WDR27: variants seen among roughly 807,000 people sequenced by gnomAD.
WDR27 encodes WD repeat-containing protein 27.
A neutral mutation model predicts 114.4 loss-of-function variants in WDR27; 100 were observed. The observed-to-expected ratio is 0.87, with a 90% CI of 0.74 to 1.03. The LOEUF is 1.03. WDR27 is among the 50% of genes least tolerant of loss of function. The probability of loss-of-function intolerance (pLI) is 0.00; values close to 1 mark genes in which losing one functional copy is unlikely to be tolerated. For missense variants in WDR27, 1,129 were observed against 1,092.9 expected (o/e 1.03, Z -0.47); for synonymous variants, 449 against 423.1 (o/e 1.06, Z -0.75).
chr6:169,499,576 C>G (rs1045377211), intron 25 of WDR27, among the ~76,000 whole-genome samples: 3 of 152,312 alleles, frequency 2.0e-5, no homozygotes, highest in Non-Finnish European at 2.9e-5. Flanking sequence ...TGATGCCTCC[C>G]CACCTAAGAC....
At chr6:169,681,078 A>G (rs1781401467) in intron 2 of WDR27, among the ~76,000 whole-genome samples, 1 of 152,234 alleles carries the variant, frequency 6.6e-6, no homozygotes, top group African/African-American at 2.4e-5. Context: ...CAAAAGACAC[A>G]AACACAATTA....
In WDR27 at chr6:169,670,607, C is replaced by A; in HGVS notation, c.418G>T (p.Val140Leu). 6.2e-7 allele frequency: 1 copy of A among 1,613,988 alleles called. No individual in the cohort carries two copies. Among genetic ancestry groups the A allele is most frequent in the Non-Finnish European group, 8.5e-7 (1 of 1,179,878 alleles). ...ATGAATATTTTGTTTCCAGCACACA[C>A]GGCAACAACATGATCATCCAGGCTC... ...QLSLDDHVVA[V>L]CAGNKIFMLD... Residue 140 changes from valine to leucine, a missense_variant, in exon 4 of 26, where the codon GTG (valine) becomes TTG (leucine). Physicochemically the swap from Val to Leu is conservative, Grantham distance 32. Transcript: ENST00000448612.
chr6:169,436,414 CTA>C, the WDR27 span, among the ~76,000 whole-genome samples: 3 of 151,944 alleles, frequency 2.0e-5, no homozygotes, highest in Non-Finnish European at 4.4e-5. Context: ...ACAAATAAGA[CTA>C]GTTTAATATT....
intron 25 of WDR27, among the ~76,000 whole-genome samples, chr6:169,571,506 TC>T (rs1232257323): frequency 6.6e-6 from 1 of 152,178 alleles, no homozygotes; most frequent in Admixed American, 6.5e-5. Flanking sequence ...ACATTTACGT[TC>T]CACATTCAAC....
chr6:169,664,396 T>TC, intron 7 of WDR27, 110 bp from the exon 8 acceptor site: 1 of 1,578,230 alleles, frequency 6.3e-7, no homozygotes, highest in South Asian at 1.2e-5. Flanking sequence ...GGACGGGCCC[T>TC]CCACGGCCTG....
At position 169,642,537 on chromosome 6, in the gene WDR27, G is replaced by A. The variant is rs538714117; in HGVS notation, c.1747+1160C>T. On this transcript the variant is annotated intron_variant, in intron 17 of 25. Transcript: ENST00000448612. ...GCAGGATAGATATGAGGTGGGACCA[G>A]GAGCAAGGCGCTCGAAGGGCAAGGG... 1.6e-3 allele frequency among the ~76,000 whole-genome samples: 240 copies of A among 152,270 alleles called. 1 individual carries two copies. Among genetic ancestry groups the A allele is most frequent in the African/African-American group, 5.5e-3 (229 of 41,550 alleles).
At chr6:169,685,269 A>G (rs892598857) in intron 2 of WDR27, among the ~76,000 whole-genome samples, 5 of 103,092 alleles carry the variant, frequency 4.9e-5, no homozygotes, top group Non-Finnish European at 7.5e-5. Context: ...AAAATCAAAG[A>G]AAAAAAAAAG....
At chr6:169,694,701 C>T (rs572741972) in intron 1 of WDR27, among the ~76,000 whole-genome samples, 13 of 152,358 alleles carry the variant, frequency 8.5e-5, no homozygotes, top group East Asian at 3.9e-4. Flanking sequence ...GCAGCTTCAC[C>T]GACACCGTCA....
chr6:169,549,106 G>C (rs1797792185), intron 25 of WDR27, among the ~76,000 whole-genome samples: 1 of 152,204 alleles, frequency 6.6e-6, no homozygotes, highest in Non-Finnish European at 1.5e-5. Context: ...TCAAGTGAAT[G>C]AGAAGATAAG....
Position 169,457,389 on chromosome 6 carries a change from T to G in WDR27, c.*203A>C. On this transcript the variant is annotated 3_prime_UTR_variant, in exon 26 of 26. Transcript: ENST00000448612. ...CATTTTCCCAATGAAGGGGATCCCT[T>G]TTGAGGAGCAGAAAGACATAAAACT... is the stretch of plus-strand genomic sequence containing the variant. 2.2e-6 allele frequency: 1 copy of G among 455,936 alleles called. No individual in the cohort carries two copies. Among genetic ancestry groups the G allele is most frequent in the East Asian group, 3.5e-5 (1 of 28,722 alleles). 28.2% of individuals were successfully genotyped at this position (455,936 alleles called of 1,614,324 possible). A position where few individuals can be genotyped will look rare whatever the true frequency, so the allele number is the denominator to read the frequency against.
rs544493742 is a variant in WDR27 at position 169,457,759 on chromosome 6, T to C, written c.2646-125A>G. 17 of 647,582 alleles carry C rather than the reference T, an allele frequency of 2.6e-5. No individual in the cohort carries two copies. The African/African-American group carries it at 2.9e-4, about 11-fold the overall frequency. 40.1% of individuals were successfully genotyped at this position (647,582 alleles called of 1,614,324 possible). A position where few individuals can be genotyped will look rare whatever the true frequency, so the allele number is the denominator to read the frequency against. ...TAATGTTCTGGAACATCGAGTAAAATACATTAACATAGTAGAATCTATATA... is the reference window on the plus strand; with the variant it reads ...TAATGTTCTGGAACATCGAGTAAAACACATTAACATAGTAGAATCTATATA... On this transcript the variant is annotated intron_variant, in intron 25 of 25. Transcript: ENST00000448612.
chr6:169,512,734 G>A (rs1304667860), intron 25 of WDR27, among the ~76,000 whole-genome samples: 2 of 152,162 alleles, frequency 1.3e-5, no homozygotes, highest in African/African-American at 2.4e-5. Flanking sequence ...GATAGTAGAG[G>A]TAATGGCTTG....
intron 23 of WDR27, among the ~76,000 whole-genome samples, chr6:169,593,071 T>C (rs1466934280): frequency 6.6e-6 from 1 of 152,252 alleles, no homozygotes; most frequent in East Asian, 1.9e-4. Context: ...AGCTTTTCAA[T>C]TGATATTCAT....
intron 25 of WDR27, among the ~76,000 whole-genome samples, chr6:169,514,244 GAACA>G (rs905987721): frequency 4.0e-5 from 6 of 151,156 alleles, no homozygotes; most frequent in South Asian, 2.1e-4. Flanking sequence ...TCAAATAATA[GAACA>G]AATAGCTATA....
At position 169,658,340 on chromosome 6, in the gene WDR27, G is replaced by A. The variant is rs1362840841; in HGVS notation, c.1338C>T (p.Thr446=). 2 of 1,599,646 alleles carry A rather than the reference G, an allele frequency of 1.3e-6. No homozygotes were observed. Among genetic ancestry groups the A allele is most frequent in the Admixed American group, 1.7e-5 (1 of 58,078 alleles). Residue 446 remains threonine, a synonymous_variant, in exon 13 of 26, where the codon ACC becomes ACT. Coordinates refer to ENST00000448612, the MANE Select transcript of WDR27 (RefSeq NM_182552.5). ...SVPASSCVLP[T]SPLYLGIAKE... is the part of the protein sequence containing the mutation. ...TGGCAATTCCCAGATACAGTGGAGA[G>A]GTCGGTAGGACACAGGAGCTGAAAC...
At chr6:169,652,652 G>A (rs13207531) in intron 13 of WDR27, among the ~76,000 whole-genome samples, 6,215 of 152,204 alleles carry the variant, frequency 0.041, 184 homozygotes, top group South Asian at 0.067. Flanking sequence ...GCAAATTTGG[G>A]GATTATAGCA....
downstream of WDR27, among the ~76,000 whole-genome samples, chr6:169,456,901 T>C (rs1784372500): frequency 6.7e-6 from 1 of 148,980 alleles, no homozygotes; most frequent in South Asian, 2.1e-4. This position sits in a 1 kb window ranked among gnomAD's most constrained non-coding sequence, Gnocchi z 4.0. Flanking sequence ...ACAGAACTCA[T>C]GGTCAGAGGC....
At chr6:169,626,337 G>A (rs1814821788) in intron 21 of WDR27, among the ~76,000 whole-genome samples, 1 of 152,186 alleles carries the variant, frequency 6.6e-6, no homozygotes, top group Non-Finnish European at 1.5e-5. Flanking sequence ...GTAGTGAGCA[G>A]GGTGGCTGCA....
chr6:169,512,554 G>GA (rs1262643246), intron 25 of WDR27, among the ~76,000 whole-genome samples: 1 of 152,182 alleles, frequency 6.6e-6, no homozygotes, highest in Non-Finnish European at 1.5e-5. Context: ...AGCAAAGCAA[G>GA]AAAATGTTTA....
Sources: allele counts gnomAD v4.1 joint callset (sites outside exome capture counted in the v4.1 genomes callset), GRCh38; gene constraint gnomAD v4.1.1; non-coding constraint Gnocchi (gnomAD v3.1); transcripts MANE v1.5; gene names NCBI Gene and HGNC (gene_info 2026-07-23, HGNC 2026-07-21).